Variants in FAM222A observed in about 807,000 individuals in gnomAD.
FAM222A encodes the protein family with sequence similarity 222 member A.
A neutral mutation model predicts 25.8 loss-of-function variants in FAM222A; 7 were observed. The observed-to-expected ratio is 0.27, with a 90% CI of 0.15 to 0.51. The LOEUF (loss-of-function observed/expected upper bound fraction) is 0.51. Among genes scored for constraint, FAM222A ranks in the 20% least tolerant of loss-of-function variants. The pLI, the probability that FAM222A is intolerant of heterozygous loss-of-function variation, is 0.97. For missense variants in FAM222A, 573 were observed against 640.5 expected, an observed-to-expected ratio of 0.89 and a Z score of 1.14; for synonymous variants, 294 against 298.8, an observed-to-expected ratio of 0.98 and a Z score of 0.17.
At chr12:109,737,359 G>A (rs1482063777) in intron 1 of FAM222A, among the ~76,000 whole-genome samples, 1 of 152,010 alleles carries the variant, frequency 6.6e-6, no homozygotes, top group Non-Finnish European at 1.5e-5. Context: ...AGCATCTCTG[G>A]CTCTAGTGCC....
intron 1 of FAM222A, among the ~76,000 whole-genome samples, chr12:109,732,744 A>G (rs1332695368): frequency 6.6e-6 from 1 of 152,094 alleles, no homozygotes; most frequent in Non-Finnish European, 1.5e-5. Flanking sequence ...ACACGTGTAC[A>G]CACACACACA....
At position 109,758,620 on chromosome 12, in the gene FAM222A, TCTGCCCTAGCCCAGCCGCCGTCC is replaced by T. The variant is rs537513339; in HGVS notation, c.83-9385_83-9363del. Among the ~76,000 whole-genome samples, 361 of 152,250 alleles carry T rather than the reference TCTGCCCTAGCCCAGCCGCCGTCC, an allele frequency of 2.4e-3. 5 individuals carry two copies. The highest frequency in any genetic ancestry group is 0.018 in the Admixed American group (276 of 15,278). Reference sequence around the variant, plus strand: ...CCATAAAGGCTGGAGAACAGCTGTGTCTGCCCTAGCCCAGCCGCCGTCCCTGCCCCCACTCCTGGGCGACCTCA... The same window carrying T: ...CCATAAAGGCTGGAGAACAGCTGTGTCTGCCCCCACTCCTGGGCGACCTCA... On this transcript the variant is annotated intron_variant, in intron 2 of 2. Coordinates refer to ENST00000538780, the MANE Select transcript of FAM222A (RefSeq NM_032829.3).
intron 2 of FAM222A, among the ~76,000 whole-genome samples, chr12:109,746,313 A>G (rs1292763353): frequency 6.6e-6 from 1 of 152,110 alleles, no homozygotes; most frequent in African/African-American, 2.4e-5. Flanking sequence ...ACATAGTGAA[A>G]CCCCAACTCT....
intron 1 of FAM222A, among the ~76,000 whole-genome samples, chr12:109,743,641 ACACCCATGTACC>A (rs1449340645): frequency 1.3e-5 from 2 of 152,206 alleles, no homozygotes; most frequent in South Asian, 4.1e-4. Context: ...GTAACCTGGG[ACACCCATGTACC>A]CACTGGCATT....
At chr12:109,745,647 T>C (rs937928691) in intron 2 of FAM222A, among the ~76,000 whole-genome samples, 1 of 152,036 alleles carries the variant, frequency 6.6e-6, no homozygotes, top group Non-Finnish European at 1.5e-5. Context: ...GCAGTGACAA[T>C]AGGATCACAA....
Position 109,723,004 on chromosome 12 carries a change from G to C in FAM222A, c.-47+8107G>C, listed in dbSNP as rs554597366. ...TTTCCCAGCTTGGAGGGAGCGGGTG[G>C]GGGGGGGAGGGGGTATCAGGGCCTT... On this transcript the variant is annotated intron_variant, in intron 1 of 2. Transcript: ENST00000538780. 4.9e-5 allele frequency among the ~76,000 whole-genome samples: 6 copies of C among 123,416 alleles called. No individual in the cohort carries two copies. The South Asian group carries it at 7.8e-4, about 16-fold the overall frequency. 81.0% of individuals were successfully genotyped at this position (123,416 alleles called of 152,430 possible).
chr12:109,741,247 GGAGAACTGGGGTTGCAGA>G (rs1888234172), intron 1 of FAM222A, among the ~76,000 whole-genome samples: 1 of 152,182 alleles, frequency 6.6e-6, no homozygotes, highest in South Asian at 2.1e-4. Flanking sequence ...CAGTGAGTTG[GGAGAACTGGGGTTGCAGA>G]GAGAAAAAAG....
At chr12:109,739,315 G>A (rs550264840) in intron 1 of FAM222A, among the ~76,000 whole-genome samples, 1 of 152,366 alleles carries the variant, frequency 6.6e-6, no homozygotes, top group Non-Finnish European at 1.5e-5. Flanking sequence ...GCAGAGAGAG[G>A]TCAGGAACAT....
At chr12:109,729,779 A>T (rs1887910471) in intron 1 of FAM222A, among the ~76,000 whole-genome samples, 1 of 152,210 alleles carries the variant, frequency 6.6e-6, no homozygotes, top group Admixed American at 6.5e-5. Context: ...CCCAAACCTG[A>T]CTGGGCACTG....
intron 2 of FAM222A, among the ~76,000 whole-genome samples, chr12:109,762,707 G>A (rs551089922): frequency 6.6e-6 from 1 of 152,318 alleles, no homozygotes; most frequent in South Asian, 2.1e-4. Context: ...AGTAGTCTGG[G>A]ACCCCAAGCC....
intron 1 of FAM222A, among the ~76,000 whole-genome samples, chr12:109,723,631 C>T (rs1486398987): frequency 2.6e-5 from 4 of 152,238 alleles, no homozygotes; most frequent in Non-Finnish European, 5.9e-5. Context: ...CAAGCCCCAC[C>T]CCAGCTGCCT....
In FAM222A at chr12:109,713,914, C is replaced by G. The variant is rs1887583090; in HGVS notation, c.-1030C>G. ...GCGCCGGCCGGGGGAGGCGGACAGCCGGGCCCGGCGCCTGTGGGGCGCGGC... is the reference window on the plus strand; with the variant it reads ...GCGCCGGCCGGGGGAGGCGGACAGCGGGGCCCGGCGCCTGTGGGGCGCGGC... On this transcript the variant is annotated 5_prime_UTR_variant, in exon 1 of 3. Coordinates refer to ENST00000538780, the MANE Select transcript of FAM222A (RefSeq NM_032829.3). 6.8e-6 allele frequency among the ~76,000 whole-genome samples: 1 copy of G among 146,452 alleles called. No homozygotes were observed. The highest frequency in any genetic ancestry group is 1.5e-5 in the Non-Finnish European group (1 of 65,936).
intron 1 of FAM222A, among the ~76,000 whole-genome samples, chr12:109,726,978 A>G (rs1887855653): frequency 6.6e-6 from 1 of 152,212 alleles, no homozygotes; most frequent in African/African-American, 2.4e-5. Flanking sequence ...ATGAGGAAGC[A>G]GAGGTCCAAG....
chr12:109,731,195 T>G (rs1269040406), intron 1 of FAM222A, among the ~76,000 whole-genome samples: 1 of 152,038 alleles, frequency 6.6e-6, no homozygotes, highest in Non-Finnish European at 1.5e-5. Context: ...AGAGGGGTAG[T>G]GCCTTGCGGG....
chr12:109,754,040 T>C (rs1349000039), intron 2 of FAM222A, among the ~76,000 whole-genome samples: 6 of 152,044 alleles, frequency 3.9e-5, no homozygotes, highest in Non-Finnish European at 8.8e-5. Context: ...TGTTTAGGAT[T>C]TAACAACTGA....
intron 1 of FAM222A, among the ~76,000 whole-genome samples, chr12:109,731,573 C>G (rs1193055647): frequency 6.6e-6 from 1 of 152,166 alleles, no homozygotes; most frequent in Non-Finnish European, 1.5e-5. Flanking sequence ...CTCGATGAAG[C>G]CACCCCCTGC....
chr12:109,758,414 T>G (rs1297160396), intron 2 of FAM222A, among the ~76,000 whole-genome samples: 1 of 152,178 alleles, frequency 6.6e-6, no homozygotes, highest in African/African-American at 2.4e-5. Context: ...GAAACAGACA[T>G]CAGGAGAGCT....
chr12:109,760,246 C>T (rs1041660385), intron 2 of FAM222A, among the ~76,000 whole-genome samples: 4 of 152,110 alleles, frequency 2.6e-5, no homozygotes, highest in Non-Finnish European at 4.4e-5. Flanking sequence ...TGCATAGGGG[C>T]GTGGGGCAGG....
chr12:109,717,782 C>A (rs1308339883), intron 1 of FAM222A, among the ~76,000 whole-genome samples: 1 of 152,220 alleles, frequency 6.6e-6, no homozygotes. Context: ...TGGCCCCACC[C>A]CCACTAATCC....
Sources: gnomAD v4.1 joint callset for allele counts (sites outside exome capture counted in the v4.1 genomes callset) on GRCh38, gnomAD v4.1.1 for gene constraint, MANE v1.5 for transcripts, NCBI Gene and HGNC (gene_info 2026-07-23, HGNC 2026-07-21) for gene names.